Variants in DNASE1L1 observed in about 807,000 individuals in gnomAD.
The protein encoded by DNASE1L1 is deoxyribonuclease-1-like 1.
Under a neutral mutation model 18.6 loss-of-function variants are expected in DNASE1L1, and 8 were observed. The ratio of observed to expected loss-of-function variants is 0.43; its 90% CI spans 0.25 to 0.78. The LOEUF is 0.78. DNASE1L1 is among the 30% of genes least tolerant of loss of function. DNASE1L1 has a pLI of 0.23. For missense variants in DNASE1L1, 214 were observed against 258.2 expected, an observed-to-expected ratio of 0.83 and a Z score of 1.17; for synonymous variants, 114 against 114.2, an observed-to-expected ratio of 1.00 and a Z score of 0.01.
chrX:154,402,694 G>C lies in DNASE1L1; in HGVS notation c.*13C>G. ...CCCAAAAGGCAGCAGGCCCTGGGGG[G>C]GTAGGGGGACGCTCAGGCAGCAGGG... On this transcript the variant is annotated 3_prime_UTR_variant, in exon 8 of 8. Coordinates refer to ENST00000369807, the MANE Select transcript of DNASE1L1 (RefSeq NM_001303620.2). 8.3e-7 allele frequency: 1 copy of C among 1,202,080 alleles called. No individual in the cohort carries two copies. The highest frequency in any genetic ancestry group is 1.1e-6 in the Non-Finnish European group (1 of 889,982).
upstream of DNASE1L1, among the ~76,000 whole-genome samples, chrX:154,410,715 A>G (rs1291094537): frequency 1.1e-5 from 1 of 93,777 alleles, no homozygotes; most frequent in African/African-American, 3.8e-5. Flanking sequence ...ACTAAAATAC[A>G]AAAAAAAAAA....
chrX:154,411,675 C>T (rs1603376078), upstream of DNASE1L1: 1 of 515,812 alleles, frequency 1.9e-6, no homozygotes, highest in Middle Eastern at 5.2e-4. Flanking sequence ...GCTGCTCCGG[C>T]CTGACCTGCG....
At chrX:154,404,149 T>TC (rs2068104037) in intron 4 of DNASE1L1, among the ~76,000 whole-genome samples, 1 of 79,678 alleles carries the variant, frequency 1.3e-5, no homozygotes, top group East Asian at 3.3e-4. Flanking sequence ...ATGTCATTCT[T>TC]TTTTTTTTTT....
chrX:154,407,391 C>G (rs1441400034), intron 1 of DNASE1L1, among the ~76,000 whole-genome samples: 3 of 104,217 alleles, frequency 2.9e-5, no homozygotes, highest in East Asian at 3.0e-4. Flanking sequence ...GCACCCACCA[C>G]CACGCCCAGC....
At chrX:154,411,532 C>A, upstream of DNASE1L1, 1 of 339,663 alleles carries the variant, frequency 2.9e-6, no homozygotes, top group Non-Finnish European at 5.4e-6. Flanking sequence ...GGCACCGGCG[C>A]AGGTTCGCTT....
chrX:154,409,169 C>T lies in DNASE1L1; in HGVS notation c.-145G>A. 2.9e-6 allele frequency: 1 copy of T among 340,244 alleles called. No individual in the cohort carries two copies. Among genetic ancestry groups the T allele is most frequent in the Middle Eastern group, 4.4e-4 (1 of 2,270 alleles). 28.0% of individuals were successfully genotyped at this position (340,244 alleles called of 1,213,427 possible). On this transcript the variant is annotated 5_prime_UTR_variant, in exon 1 of 8. Coordinates refer to ENST00000369807, the MANE Select transcript of DNASE1L1 (RefSeq NM_001303620.2). ...CATCCTTAAGTGGATCGCGATACCCCAGAAGAGCAGCTCCTGCCTGAATAG... is the reference window on the plus strand; with the variant it reads ...CATCCTTAAGTGGATCGCGATACCCTAGAAGAGCAGCTCCTGCCTGAATAG...
chrX:154,402,995 G>T lies in DNASE1L1; in HGVS notation c.721C>A (p.His241Asn). ...GGGAAGTCAAAGGCAGCCGCAGTGTGCAGCAGACTCCGGCAGCGCTCCCCG... is the reference window on the plus strand; with the variant it reads ...GGGAAGTCAAAGGCAGCCGCAGTGTTCAGCAGACTCCGGCAGCGCTCCCCG... ...LHGERCRSLL[H>N]TAAAFDFPTS... Residue 241 changes from histidine (H) to asparagine (N), a missense_variant, in exon 7 of 8, where the codon CAC becomes AAC. His to Asn is a moderately conservative substitution (Grantham distance 68). Coordinates refer to ENST00000369807, the MANE Select transcript of DNASE1L1 (RefSeq NM_001303620.2). 1 of 1,211,567 alleles carries T rather than the reference G, an allele frequency of 8.3e-7. No individual in the cohort carries two copies.
chrX:154,410,994 T>G (rs1477136205), upstream of DNASE1L1, among the ~76,000 whole-genome samples: 5 of 112,673 alleles, frequency 4.4e-5, no homozygotes, highest in East Asian at 1.4e-3. Context: ...TAGCTGACAT[T>G]GTGACTGTAT....
In DNASE1L1 at chrX:154,405,023, T is replaced by C. The variant is rs2068121187; in HGVS notation, c.196A>G (p.Ile66Val). 4 of 1,210,802 alleles carry C rather than the reference T, an allele frequency of 3.3e-6. No individual in the cohort carries two copies. In the African/African-American group the frequency reaches 6.9e-5, roughly 21 times the overall value. ...QEVVDSSGSA[I>V]PLLLRELNRF... Reference sequence around the variant, plus strand: ...TTGAGTTCTCGAAGCAGGAGCGGGATGGCGCTGCCGGAAGAGTCCACCACC... The same window carrying C: ...TTGAGTTCTCGAAGCAGGAGCGGGACGGCGCTGCCGGAAGAGTCCACCACC... Residue 66 changes from isoleucine (I) to valine (V), a missense_variant, in exon 3 of 8, where the codon ATC (isoleucine) becomes GTC (valine). Physicochemically the swap from Ile to Val is conservative, Grantham distance 29. Transcript: ENST00000369807.
In DNASE1L1 at chrX:154,401,948, G is replaced by C. The variant is rs186070063; in HGVS notation, c.*759C>G. The C allele has an allele frequency of 1.8e-4, 20 of 111,540 alleles. No individual in the cohort carries two copies. Among genetic ancestry groups the C allele is most frequent in the African/African-American group, 5.6e-4 (17 of 30,503 alleles). 9.2% of individuals were successfully genotyped at this position (111,540 alleles called of 1,213,427 possible). ...AGAGGAGGATGGAAGGGAGGGGTCC[G>C]GCATGCTGCTGGCATTTTGCTGTGT... is the stretch of plus-strand genomic sequence containing the variant. On this transcript the variant is annotated 3_prime_UTR_variant, in exon 8 of 8. Transcript: ENST00000369807.
upstream of DNASE1L1, chrX:154,412,061 C>G (rs1270472029): frequency 8.3e-7 from 1 of 1,209,194 alleles, no homozygotes; most frequent in East Asian, 3.0e-5. Context: ...GAGCCCGGAG[C>G]GCCTGACTTC....
rs370057571 is a variant in DNASE1L1, at chrX:154,403,193, A to G, written c.526-3T>C. 6 of 1,210,788 alleles carry G rather than the reference A, an allele frequency of 5.0e-6. No individual in the cohort carries two copies. The highest frequency in any genetic ancestry group is 5.6e-6 in the Non-Finnish European group (5 of 894,643). ...AAGTCCCCAAGCAGGATCACGTCCT[A>G]GAGACACAGCAGCCATCAGGCTGGC... On this transcript the variant is annotated splice_region_variant and splice_polypyrimidine_tract_variant and intron_variant, in intron 6 of 7. Transcript: ENST00000369807.
chrX:154,410,714 C>CAAAA (rs782211946), upstream of DNASE1L1, among the ~76,000 whole-genome samples: 1 of 84,190 alleles, frequency 1.2e-5, no homozygotes, highest in Non-Finnish European at 2.3e-5. Flanking sequence ...TACTAAAATA[C>CAAAA]AAAAAAAAAA....
intron 2 of DNASE1L1, 40 bp downstream of exon 2, chrX:154,405,394 G>A (rs782406993): frequency 1.7e-6 from 2 of 1,156,066 alleles, no homozygotes. Context: ...TTTGGCTCAT[G>A]GTGGTTAGGG....
rs1392342038 is a variant in DNASE1L1, at chrX:154,401,610, G to C, written c.*1097C>G. The C allele has an allele frequency of 1.8e-5, 2 of 111,864 alleles. No individual in the cohort carries two copies. Among genetic ancestry groups the C allele is most frequent in the African/African-American group, 6.5e-5 (2 of 30,550 alleles). 9.2% of individuals were successfully genotyped at this position (111,864 alleles called of 1,213,427 possible). ...TGGGGGAGCAGCAAAAATGAGAGGA[G>C]TGCTAGGTGGGTGGCCTGAGCATCT... On this transcript the variant is annotated 3_prime_UTR_variant, in exon 8 of 8. Coordinates refer to ENST00000369807, the MANE Select transcript of DNASE1L1 (RefSeq NM_001303620.2).
At chrX:154,403,226 C>T in intron 6 of DNASE1L1, 36 bp from the exon 7 acceptor site, 1 of 1,208,871 alleles carries the variant, frequency 8.3e-7, no homozygotes, top group African/African-American at 1.7e-5. Flanking sequence ...GGCCGCTGGG[C>T]CACCCTATCC....
In DNASE1L1 at chrX:154,405,053, G is replaced by A; in HGVS notation, c.166C>T (p.Gln56Ter). The change falls in exon 3 of 8, where the codon CAG (glutamine) becomes TAG (stop). Residue 56 changes from glutamine (Q) to a stop codon, truncating the protein, a stop_gained. Coordinates refer to ENST00000369807, the MANE Select transcript of DNASE1L1 (RefSeq NM_001303620.2). LOFTEE classifies it high-confidence loss of function. Reference sequence around the variant, plus strand: ...CTGCCGGAAGAGTCCACCACCTCCTGCAGCACCATGATGTCACAGCGAGCC... The same window carrying A: ...CTGCCGGAAGAGTCCACCACCTCCTACAGCACCATGATGTCACAGCGAGCC... ...ILARCDIMVL[Q>*]EVVDSSGSAI... The A allele has an allele frequency of 8.3e-7, 1 of 1,211,240 alleles. No homozygotes were observed. The highest frequency in any genetic ancestry group is 1.1e-6 in the Non-Finnish European group (1 of 895,233).
rs200058172 is a variant in DNASE1L1 at position 154,405,019 on chromosome X, G to A, written c.200C>T (p.Pro67Leu). 8.3e-6 allele frequency: 10 copies of A among 1,209,215 alleles called. No homozygotes were observed. Among genetic ancestry groups the A allele is most frequent in the Admixed American group, 4.4e-5 (2 of 45,831 alleles). ...CCGATTGAGTTCTCGAAGCAGGAGC[G>A]GGATGGCGCTGCCGGAAGAGTCCAC... is the stretch of plus-strand genomic sequence containing the variant. ...EVVDSSGSAIPLLLRELNRFD... is the reference protein window; with the variant it reads ...EVVDSSGSAILLLLRELNRFD... The change falls in exon 3 of 8, where the codon CCG becomes CTG. Residue 67 changes from proline to leucine, a missense_variant. By Grantham distance (98) the Pro-to-Leu change is moderately conservative. Transcript: ENST00000369807.
At chrX:154,409,317 C>T (rs1351504287), upstream of DNASE1L1, 3 of 240,372 alleles carry the variant, frequency 1.2e-5, no homozygotes, top group Non-Finnish European at 2.4e-5. Flanking sequence ...TCCGCCTCGC[C>T]GCCAACAAGG....
Sources: allele counts gnomAD v4.1 joint callset (sites outside exome capture counted in the v4.1 genomes callset), GRCh38; gene constraint gnomAD v4.1.1; transcripts MANE v1.5; gene names NCBI Gene and HGNC (gene_info 2026-07-23, HGNC 2026-07-21).